Variants in CEP63 observed in about 807,000 individuals in gnomAD.
CEP63 encodes the protein centrosomal protein of 63 kDa.
A neutral mutation model predicts 89.1 loss-of-function variants in CEP63; 84 were observed. The ratio of observed to expected loss-of-function variants is 0.94; its 90% CI spans 0.79 to 1.13. The LOEUF (loss-of-function observed/expected upper bound fraction) is 1.13, where lower values mean the gene tolerates loss of function less well. CEP63 is among the 50% of genes most tolerant of loss of function. CEP63 has a pLI of 0.00. For synonymous variants in CEP63, 267 were observed against 272.5 expected (o/e 0.98, Z 0.20); for missense variants, 838 against 813.3 (o/e 1.03, Z -0.37).
the CEP63 span, among the ~76,000 whole-genome samples, chr3:134,695,688 C>G: frequency 1.3e-5 from 2 of 152,208 alleles, no homozygotes; most frequent in Non-Finnish European, 2.9e-5. Context: ...GTGCACATGC[C>G]TCTCTACTTC....
the CEP63 span, chr3:134,608,153 G>T: frequency 8.7e-7 from 1 of 1,148,224 alleles, no homozygotes; most frequent in East Asian, 6.3e-5. Flanking sequence ...TTCCAGCTCT[G>T]CTGAGGCCAT....
At chr3:134,707,826 T>G in the CEP63 span, among the ~76,000 whole-genome samples, 1 of 145,912 alleles carries the variant, frequency 6.9e-6, no homozygotes, top group Non-Finnish European at 1.5e-5. Flanking sequence ...CCTCTCACTC[T>G]GGGTTGAAGC....
chr3:134,749,613 C>G, the CEP63 span, among the ~76,000 whole-genome samples: 1 of 140,168 alleles, frequency 7.1e-6, no homozygotes, highest in Non-Finnish European at 1.5e-5. Context: ...TGTGTGCAAC[C>G]GGGAGAGCTG....
chr3:134,625,014 C>G, the CEP63 span: 1 of 1,550,160 alleles, frequency 6.5e-7, no homozygotes, highest in Admixed American at 1.9e-5. Context: ...TCTAAGCCAC[C>G]TTGAAGGGGC....
chr3:134,684,762 T>G, the CEP63 span, among the ~76,000 whole-genome samples: 1 of 152,238 alleles, frequency 6.6e-6, no homozygotes, highest in Non-Finnish European at 1.5e-5. Flanking sequence ...TTTGGGTTTG[T>G]ATTTGGCAAC....
intron 11 of CEP63, among the ~76,000 whole-genome samples, chr3:134,550,837 C>T (rs1232082454): frequency 6.6e-6 from 1 of 152,056 alleles, no homozygotes; most frequent in African/African-American, 2.4e-5. Context: ...GACAGAGCAC[C>T]CAGATGCTGT....
At chr3:134,741,249 C>T in the CEP63 span, among the ~76,000 whole-genome samples, 15 of 152,276 alleles carry the variant, frequency 9.9e-5, no homozygotes, top group Admixed American at 4.6e-4. Context: ...TTGGTTTCTT[C>T]GGTCTGCACC....
At chr3:134,523,571 T>C (rs1947977807) in intron 3 of CEP63, among the ~76,000 whole-genome samples, 1 of 152,134 alleles carries the variant, frequency 6.6e-6, no homozygotes, top group South Asian at 2.1e-4. Flanking sequence ...CTGTATATAA[T>C]ACAAGGAAGG....
chr3:134,726,330 G>A, the CEP63 span, among the ~76,000 whole-genome samples: 1 of 152,056 alleles, frequency 6.6e-6, no homozygotes, highest in African/African-American at 2.4e-5. Flanking sequence ...GTAAAGGCCC[G>A]GCTTTGGGTC....
At chr3:134,619,543 G>A in the CEP63 span, among the ~76,000 whole-genome samples, 419 of 152,326 alleles carry the variant, frequency 2.8e-3, 1 homozygote, top group African/African-American at 9.7e-3. Context: ...GAGGCATGGG[G>A]CTCTCTCTGC....
At chr3:134,519,746 CTT>C (rs1947039266) in intron 3 of CEP63, among the ~76,000 whole-genome samples, 1 of 152,120 alleles carries the variant, frequency 6.6e-6, no homozygotes, top group Non-Finnish European at 1.5e-5. Context: ...TACATACTAA[CTT>C]AGGTTTATTC....
At chr3:134,582,539 A>T (rs1958385352) in intron 10 of CEP63, among the ~76,000 whole-genome samples, 1 of 152,170 alleles carries the variant, frequency 6.6e-6, no homozygotes, top group Non-Finnish European at 1.5e-5. Context: ...ATAGTATTCC[A>T]TGGTGTACAT....
chr3:134,742,666 T>C, the CEP63 span, among the ~76,000 whole-genome samples: 2 of 152,186 alleles, frequency 1.3e-5, no homozygotes, highest in South Asian at 2.1e-4. Flanking sequence ...TGTAACAGTG[T>C]TGGAAGGTGG....
chr3:134,555,243 A>G (rs949898562), intron 12 of CEP63, among the ~76,000 whole-genome samples: 2 of 152,154 alleles, frequency 1.3e-5, no homozygotes, highest in African/African-American at 4.8e-5. Flanking sequence ...CATCACTCCT[A>G]TTCAACATAC....
At position 134,564,410 on chromosome 3, in the gene CEP63, C is replaced by T; in HGVS notation, c.*2875C>T. On this transcript the variant is annotated 3_prime_UTR_variant, in exon 15 of 15. Coordinates refer to ENST00000675561, the MANE Select transcript of CEP63 (RefSeq NM_001353108.3). ...CAAAGCTTTCCCATATCCCCTGACC[C>T]ATGTCAGGGAACGTTTCTCCTCATT... 2.0e-6 allele frequency: 2 copies of T among 985,422 alleles called. No individual in the cohort carries two copies. Among genetic ancestry groups the T allele is most frequent in the Non-Finnish European group, 2.4e-6 (2 of 829,930 alleles). 61.0% of individuals were successfully genotyped at this position (985,422 alleles called of 1,614,324 possible).
intron 11 of CEP63, among the ~76,000 whole-genome samples, chr3:134,573,866 T>G (rs1958118462): frequency 6.6e-6 from 1 of 152,218 alleles, no homozygotes; most frequent in South Asian, 2.1e-4. Flanking sequence ...ATCTGACAGA[T>G]CAGAGCATTC....
intron 3 of CEP63, among the ~76,000 whole-genome samples, chr3:134,525,579 G>A (rs564187052): frequency 1.3e-5 from 2 of 152,250 alleles, no homozygotes; most frequent in South Asian, 4.1e-4. Flanking sequence ...GATGTTAGCT[G>A]GTTATTTTGC....
the CEP63 span, among the ~76,000 whole-genome samples, chr3:134,777,796 A>C: frequency 6.6e-6 from 1 of 151,554 alleles, no homozygotes; most frequent in African/African-American, 2.4e-5. Flanking sequence ...GAATTTTTTT[A>C]GTAGAGATGG....
the CEP63 span, chr3:134,650,943 G>A: frequency 6.2e-7 from 1 of 1,613,320 alleles, no homozygotes; most frequent in African/African-American, 1.3e-5. Flanking sequence ...CAGCGTTGAT[G>A]TCCTTCTTCA....
Sources: gnomAD v4.1 joint callset for allele counts (sites outside exome capture counted in the v4.1 genomes callset) on GRCh38, gnomAD v4.1.1 for gene constraint, MANE v1.5 for transcripts, NCBI Gene and HGNC (gene_info 2026-07-23, HGNC 2026-07-21) for gene names.